LRFN5: variants seen among roughly 807,000 people sequenced by gnomAD.
LRFN5 encodes the protein leucine rich repeat and fibronectin type III domain containing 5, also known as leucine-rich repeat and fibronectin type-III domain-containing protein 5.
LRFN5 carries 24 observed loss-of-function variants against 45.6 expected under a neutral mutation model. The observed-to-expected ratio is 0.53, with a 90% CI of 0.38 to 0.74. The LOEUF is 0.74. LRFN5 is among the 30% of genes least tolerant of loss of function. The probability of loss-of-function intolerance (pLI) is 0.00; values close to 1 mark genes in which losing one functional copy is unlikely to be tolerated. For missense variants in LRFN5, 776 were observed against 861.5 expected (o/e 0.90, Z 1.24); for synonymous variants, 340 against 313.8 (o/e 1.08, Z -0.88).
chr14:41,717,779 A>G (rs1290864520), intron 1 of LRFN5, among the ~76,000 whole-genome samples: 2 of 152,176 alleles, frequency 1.3e-5, no homozygotes, highest in African/African-American at 4.8e-5. Flanking sequence ...AATTCTCTCA[A>G]TCTCAGCAGT....
At chr14:41,900,854 C>A (rs1386033900) in intron 5 of LRFN5, among the ~76,000 whole-genome samples, 1 of 152,050 alleles carries the variant, frequency 6.6e-6, no homozygotes, top group East Asian at 1.9e-4. Context: ...TTAGCTTTGT[C>A]ATAGCCTTTC....
intron 1 of LRFN5, among the ~76,000 whole-genome samples, chr14:41,686,060 A>G (rs993686192): frequency 2.0e-5 from 3 of 152,112 alleles, no homozygotes; most frequent in Non-Finnish European, 4.4e-5. Flanking sequence ...TTTGGGCAGT[A>G]TGGCCATTTT....
rs560413647 is a variant in LRFN5 at position 41,848,917 on chromosome 14, A to G, written c.-20-37689A>G. ...TTGCTTTGGAATACTTCTAGGCTTC[A>G]AGTTTTTGAGATTTTTTCAGAGTTA... On this transcript the variant is annotated intron_variant, in intron 2 of 5. Transcript: ENST00000298119. 1.7e-3 allele frequency among the ~76,000 whole-genome samples: 253 copies of G among 151,960 alleles called. 2 individuals are homozygous for G. Among genetic ancestry groups the G allele is most frequent in the South Asian group, 5.6e-3 (27 of 4,826 alleles).
intron 2 of LRFN5, among the ~76,000 whole-genome samples, chr14:41,854,456 C>T (rs1889383761): frequency 6.6e-6 from 1 of 151,780 alleles, no homozygotes; most frequent in Admixed American, 6.6e-5. Flanking sequence ...CACATGTATA[C>T]ATATGTAACA....
Position 41,607,528 on chromosome 14 carries a change from T to TGTGTGTGCGCGCGC in LRFN5, c.-1224_-1211dup, listed in dbSNP as rs1037253509. The TGTGTGTGCGCGCGC allele has an allele frequency of 6.6e-6, 1 of 152,170 alleles. No individual in the cohort carries two copies. Among genetic ancestry groups the TGTGTGTGCGCGCGC allele is most frequent in the South Asian group, 2.1e-4 (1 of 4,836 alleles). 9.4% of individuals were successfully genotyped at this position (152,170 alleles called of 1,614,324 possible). On this transcript the variant is annotated 5_prime_UTR_variant, in exon 1 of 6. Transcript: ENST00000298119. Reference sequence around the variant, plus strand: ...AAGCCGCTTTCCAGCTAGCTGCGTGTGTGTGTGCGCGCGCGTGTGTACGCG... The same window carrying TGTGTGTGCGCGCGC: ...AAGCCGCTTTCCAGCTAGCTGCGTGTGTGTGTGCGCGCGCGTGTGTGCGCGCGCGTGTGTACGCG...
intron 2 of LRFN5, among the ~76,000 whole-genome samples, chr14:41,811,844 G>A (rs572523406): frequency 1.3e-5 from 2 of 152,130 alleles, no homozygotes; most frequent in Admixed American, 6.6e-5. Context: ...TTCAACAATC[G>A]ATTGTGGTGG....
In LRFN5 at chr14:41,878,875, A is replaced by G. The variant is rs193172952; in HGVS notation, c.-20-7731A>G. Among the ~76,000 whole-genome samples, 47 of 152,254 alleles carry G rather than the reference A, an allele frequency of 3.1e-4. No individual in the cohort carries two copies. The East Asian group carries it at 8.7e-3, about 28-fold the overall frequency. On this transcript the variant is annotated intron_variant, in intron 2 of 5. Coordinates refer to ENST00000298119, the MANE Select transcript of LRFN5 (RefSeq NM_152447.5). ...TTTTTAAAAGTGGTTATGTGTTAATATAATAAATATGTCAAGGATCAGTTT... is the reference window on the plus strand; with the variant it reads ...TTTTTAAAAGTGGTTATGTGTTAATGTAATAAATATGTCAAGGATCAGTTT...
chr14:41,842,530 C>T, intron 2 of LRFN5, among the ~76,000 whole-genome samples: 1 of 148,128 alleles, frequency 6.8e-6, no homozygotes, highest in South Asian at 2.1e-4. Flanking sequence ...GTTACACTTC[C>T]ATTATATCAT....
chr14:41,750,312 T>A (rs1021010945), intron 1 of LRFN5, among the ~76,000 whole-genome samples: 1 of 148,892 alleles, frequency 6.7e-6, no homozygotes, highest in Non-Finnish European at 1.5e-5. Flanking sequence ...TTTTTATATG[T>A]ATATAAGATT....
intron 2 of LRFN5, among the ~76,000 whole-genome samples, chr14:41,800,821 G>C (rs1318395989): frequency 6.6e-6 from 1 of 151,474 alleles, no homozygotes; most frequent in Non-Finnish European, 1.5e-5. Flanking sequence ...AACATCACTA[G>C]TATTGTCTAA....
rs888534815 is a variant in LRFN5, at chr14:41,704,885, T to G, written c.-196-61969T>G. ...TACATCTCTGGAGAAATAAACTTAT[T>G]GTAAGCAATTAGGTTTCTGGATTCT... is the stretch of plus-strand genomic sequence containing the variant. On this transcript the variant is annotated intron_variant, in intron 1 of 5. Coordinates refer to ENST00000298119, the MANE Select transcript of LRFN5 (RefSeq NM_152447.5). 3.9e-5 allele frequency among the ~76,000 whole-genome samples: 6 copies of G among 152,134 alleles called. No individual in the cohort carries two copies. In the East Asian group the frequency reaches 9.6e-4, roughly 24 times the overall value.
chr14:41,750,267 T>TATA (rs1885074166), intron 1 of LRFN5, among the ~76,000 whole-genome samples: 1 of 144,384 alleles, frequency 6.9e-6, no homozygotes, highest in African/African-American at 2.5e-5. Context: ...GTAACTTTTC[T>TATA]TATATATATA....
intron 1 of LRFN5, among the ~76,000 whole-genome samples, chr14:41,675,344 C>T (rs1170324806): frequency 6.6e-6 from 1 of 152,254 alleles, no homozygotes; most frequent in Non-Finnish European, 1.5e-5. Flanking sequence ...ACTCCGTCTG[C>T]AATCCCGGCA....
chr14:41,656,716 T>G (rs1880398349), intron 1 of LRFN5, among the ~76,000 whole-genome samples: 1 of 151,896 alleles, frequency 6.6e-6, no homozygotes, highest in Non-Finnish European at 1.5e-5. Flanking sequence ...CCATAATTAC[T>G]GGAACATAGA....
chr14:41,731,286 C>T (rs1884165740), intron 1 of LRFN5: 2 of 152,026 alleles, frequency 1.3e-5, no homozygotes, highest in South Asian at 4.1e-4. Context: ...CATACAGTAT[C>T]TGAAATGCTC....
At chr14:41,849,882 G>C (rs1421972177) in intron 2 of LRFN5, among the ~76,000 whole-genome samples, 1 of 151,684 alleles carries the variant, frequency 6.6e-6, no homozygotes, top group Middle Eastern at 3.2e-3. Context: ...ATTTTTTATA[G>C]TGATTAGTCA....
chr14:41,881,901 A>T (rs1173682397), intron 2 of LRFN5, among the ~76,000 whole-genome samples: 1 of 152,178 alleles, frequency 6.6e-6, no homozygotes, highest in Admixed American at 6.5e-5. Context: ...ATACGTTAGA[A>T]TTTTTATTAT....
intron 1 of LRFN5, among the ~76,000 whole-genome samples, chr14:41,734,441 C>G (rs182869852): frequency 6.8e-6 from 1 of 147,232 alleles, no homozygotes; most frequent in East Asian, 2.0e-4. Flanking sequence ...AACTTAAAGT[C>G]TATTTTATCT....
chr14:41,608,945 G>C (rs1219829358), intron 1 of LRFN5, among the ~76,000 whole-genome samples: 1 of 152,078 alleles, frequency 6.6e-6, no homozygotes, highest in African/African-American at 2.4e-5. Context: ...GTGGGTGTTT[G>C]GTTTCCACCC....
Sources: allele counts gnomAD v4.1 joint callset (sites outside exome capture counted in the v4.1 genomes callset), GRCh38; gene constraint gnomAD v4.1.1; transcripts MANE v1.5; gene names NCBI Gene and HGNC (gene_info 2026-07-23, HGNC 2026-07-21).